The following ESR1 variants were observed in gnomAD, a reference collection of about 807,000 sequenced individuals.
ESR1 encodes the protein estrogen receptor.
ESR1 carries 12 observed loss-of-function variants against 52.7 expected under a neutral mutation model. The observed-to-expected ratio is 0.23, with a 90% confidence interval of 0.15 to 0.37. The LOEUF (loss-of-function observed/expected upper bound fraction) is 0.37, where lower values mean the gene tolerates loss of function less well. Ranked by LOEUF, ESR1 falls within the 10% of genes least tolerant of loss-of-function variation. The pLI is 1.00. For missense variants in ESR1, 584 were observed against 779.7 expected (o/e 0.75, Z 2.99); for synonymous variants, 305 against 316.8 (o/e 0.96, Z 0.39).
chr6:151,732,897 C>T (rs1782364116), intron 2 of ESR1, among the ~76,000 whole-genome samples: 3 of 152,110 alleles, frequency 2.0e-5, no homozygotes, highest in Admixed American at 6.5e-5. Context: ...TGAATCTAAC[C>T]TCTGCAGCTG....
chr6:151,956,812 A>G (rs1437299165), intron 4 of ESR1, among the ~76,000 whole-genome samples: 1 of 104,732 alleles, frequency 9.5e-6, no homozygotes, highest in Non-Finnish European at 2.0e-5. Flanking sequence ...GTAAATATAA[A>G]TATATATAAA....
Position 151,807,730 on chromosome 6 carries a change from C to T in ESR1, c.-183C>T. 1.5e-6 allele frequency: 1 copy of T among 668,824 alleles called. No homozygotes were observed. Among genetic ancestry groups the T allele is most frequent in the Non-Finnish European group, 2.7e-6 (1 of 376,462 alleles). 41.4% of individuals were successfully genotyped at this position (668,824 alleles called of 1,614,324 possible). ...GGGACTGCACTTGCTCCCGTCGGGT[C>T]GCCCGGCTTCACCGGACCCGCAGGC... On this transcript the variant is annotated 5_prime_UTR_variant, in exon 1 of 8. Coordinates refer to ENST00000206249, the MANE Select transcript of ESR1 (RefSeq NM_000125.4).
chr6:151,864,502 G>A (rs9647626), intron 2 of ESR1, among the ~76,000 whole-genome samples: 20,331 of 142,376 alleles, frequency 0.14, 3,375 homozygotes, highest in African/African-American at 0.41. Context: ...ACTGTAAACT[G>A]GTTCAACCAT....
At chr6:151,733,107 T>C (rs1171267927) in intron 2 of ESR1, among the ~76,000 whole-genome samples, 1 of 152,236 alleles carries the variant, frequency 6.6e-6, no homozygotes, top group Non-Finnish European at 1.5e-5. Flanking sequence ...CTAAGTACTT[T>C]AACCATATTG....
At chr6:151,926,404 T>A (rs1310732905) in intron 3 of ESR1, among the ~76,000 whole-genome samples, 2 of 152,090 alleles carry the variant, frequency 1.3e-5, no homozygotes, top group African/African-American at 4.8e-5. Flanking sequence ...GGATTTAGAT[T>A]ACTCTGAATC....
At chr6:151,790,814 T>C (rs1776082805) in intron 2 of ESR1, among the ~76,000 whole-genome samples, 1 of 152,222 alleles carries the variant, frequency 6.6e-6, no homozygotes, top group Admixed American at 6.5e-5. Context: ...CCAACCTTAT[T>C]GGCCACGAAC....
chr6:151,970,299 G>A (rs902309407), intron 4 of ESR1, among the ~76,000 whole-genome samples: 2 of 152,124 alleles, frequency 1.3e-5, no homozygotes, highest in African/African-American at 4.8e-5. Context: ...CAGGACTGCA[G>A]CATCTCTGTC....
At chr6:151,825,786 C>T (rs936216110) in intron 1 of ESR1, among the ~76,000 whole-genome samples, 2 of 151,784 alleles carry the variant, frequency 1.3e-5, no homozygotes, top group Non-Finnish European at 2.9e-5. Context: ...GTGACACGTG[C>T]CTGTAATCGA....
chr6:151,688,695 T>C (rs2115331657), upstream of ESR1, among the ~76,000 whole-genome samples: 1 of 152,324 alleles, frequency 6.6e-6, no homozygotes, highest in South Asian at 2.1e-4. Context: ...CTCTTTTCAT[T>C]CTCTAAACAA....
chr6:151,895,940 C>T (rs1795425695), intron 3 of ESR1, among the ~76,000 whole-genome samples: 1 of 152,196 alleles, frequency 6.6e-6, no homozygotes, highest in Non-Finnish European at 1.5e-5. Context: ...CAGGCACCTG[C>T]CACCACACCC....
downstream of ESR1, among the ~76,000 whole-genome samples, chr6:152,105,983 C>T (rs866777533): frequency 3.9e-3 from 585 of 148,956 alleles, 5 homozygotes; most frequent in African/African-American, 0.013. Context: ...TTAGTAGAGA[C>T]GGGGTTTCAC....
At chr6:151,879,447 G>C (rs771702540) in intron 2 of ESR1, among the ~76,000 whole-genome samples, 1 of 152,124 alleles carries the variant, frequency 6.6e-6, no homozygotes, top group Non-Finnish European at 1.5e-5. Flanking sequence ...AGTTCAGCTG[G>C]GAACAAGGGA....
chr6:151,855,986 C>T (rs972155427), intron 2 of ESR1, among the ~76,000 whole-genome samples: 2 of 152,044 alleles, frequency 1.3e-5, no homozygotes, highest in Non-Finnish European at 2.9e-5. Context: ...ACTTTTGCAC[C>T]AACCTAATAG....
intron 2 of ESR1, among the ~76,000 whole-genome samples, chr6:151,879,856 C>T (rs527557788): frequency 6.6e-6 from 1 of 152,188 alleles, no homozygotes; most frequent in African/African-American, 2.4e-5. Context: ...ACCACCCAGC[C>T]CACCAAGCCG....
chr6:151,737,585 A>C (rs1179236565), intron 2 of ESR1, among the ~76,000 whole-genome samples: 1 of 152,198 alleles, frequency 6.6e-6, no homozygotes, highest in Non-Finnish European at 1.5e-5. Context: ...TGTCAAAGAA[A>C]CAAAGTATTG....
intron 6 of ESR1, among the ~76,000 whole-genome samples, chr6:152,072,805 A>T (rs2048454592): frequency 6.6e-6 from 1 of 152,248 alleles, no homozygotes; most frequent in Non-Finnish European, 1.5e-5. Context: ...GTTATGGATG[A>T]AACCCAGAAT....
chr6:152,049,076 C>G (rs957879107), intron 5 of ESR1, among the ~76,000 whole-genome samples: 2 of 152,194 alleles, frequency 1.3e-5, no homozygotes, highest in African/African-American at 2.4e-5. Context: ...GTAGGCACAA[C>G]CATTACAGAA....
At chr6:151,913,143 T>C (rs1045328785) in intron 3 of ESR1, among the ~76,000 whole-genome samples, 9 of 152,144 alleles carry the variant, frequency 5.9e-5, no homozygotes, top group Admixed American at 2.0e-4. Flanking sequence ...AAAGTAGCCA[T>C]TTTACCAGTT....
At chr6:151,948,804 T>C (rs1162629422) in intron 4 of ESR1, among the ~76,000 whole-genome samples, 3 of 152,126 alleles carry the variant, frequency 2.0e-5, no homozygotes, top group Non-Finnish European at 4.4e-5. Flanking sequence ...CGAGGATGCA[T>C]GGTTGTGTGA....
Sources: gnomAD v4.1 joint callset for allele counts (sites outside exome capture counted in the v4.1 genomes callset) on GRCh38, gnomAD v4.1.1 for gene constraint, MANE v1.5 for transcripts, NCBI Gene and HGNC (gene_info 2026-07-23, HGNC 2026-07-21) for gene names.